The following GNB1L variants were observed in gnomAD, a reference collection of about 807,000 sequenced individuals.
The protein encoded by GNB1L is guanine nucleotide-binding protein subunit beta-like protein 1.
Under a neutral mutation model 29.1 loss-of-function variants are expected in GNB1L, and 20 were observed. That is an observed-to-expected ratio of 0.69 (90% CI 0.48 to 1.00). The LOEUF is 1.00. Among genes scored for constraint, GNB1L ranks in the 50% least tolerant of loss-of-function variants. The pLI, the probability that GNB1L is intolerant of heterozygous loss-of-function variation, is 0.00. For missense variants in GNB1L, 421 were observed against 464.9 expected (o/e 0.91, Z 0.87); for synonymous variants, 193 against 206.5 (o/e 0.93, Z 0.56).
chr22:19,833,206 C>G (rs1937709522), intron 2 of GNB1L, among the ~76,000 whole-genome samples: 1 of 152,192 alleles, frequency 6.6e-6, no homozygotes, highest in Non-Finnish European at 1.5e-5. Flanking sequence ...TGAGAAGATT[C>G]AGATGTTGGA....
At chr22:19,846,488 G>T (rs1937964108) in intron 2 of GNB1L, 1 of 985,250 alleles carries the variant, frequency 1.0e-6, no homozygotes, top group Non-Finnish European at 1.2e-6. Context: ...CTGCACACAG[G>T]CATGTGGAGA....
In GNB1L at chr22:19,784,073, AG is replaced by A. The variant is rs1212844431; in HGVS notation, c.*4635del. The A allele has an allele frequency of 6.6e-6, 1 of 152,260 alleles. No individual in the cohort carries two copies. Among genetic ancestry groups the A allele is most frequent in the Non-Finnish European group, 1.5e-5 (1 of 68,068 alleles). 9.4% of individuals were successfully genotyped at this position (152,260 alleles called of 1,614,324 possible). On this transcript the variant is annotated 3_prime_UTR_variant, in exon 8 of 8. Transcript: ENST00000329517. ...TTGGTAGAGGGCAGGTGCACAGCAA[AG>A]TTTTCACCGGTGCCGGCTTGTTGTC...
At chr22:19,819,076 T>C (rs530811293) in intron 4 of GNB1L, among the ~76,000 whole-genome samples, 37 of 152,346 alleles carry the variant, frequency 2.4e-4, no homozygotes, top group African/African-American at 8.4e-4. Flanking sequence ...AACCCAGCCC[T>C]GGGCTAACCC....
intron 7 of GNB1L, among the ~76,000 whole-genome samples, chr22:19,789,832 G>C (rs755860851): frequency 8.5e-6 from 1 of 117,544 alleles, no homozygotes; most frequent in Admixed American, 9.4e-5. Flanking sequence ...GTGAGACCCT[G>C]TCTCAAAAAA....
At chr22:19,835,997 A>C (rs1295516857) in intron 2 of GNB1L, among the ~76,000 whole-genome samples, 1 of 152,210 alleles carries the variant, frequency 6.6e-6, no homozygotes, top group African/African-American at 2.4e-5. Flanking sequence ...TTATGCCTTA[A>C]GATAACAGAA....
At chr22:19,846,996 G>A (rs1937977156) in intron 2 of GNB1L, 13 of 985,460 alleles carry the variant, frequency 1.3e-5, no homozygotes, top group Non-Finnish European at 1.4e-5. Flanking sequence ...CACGCTGGGT[G>A]GCTGCTTGTA....
intron 7 of GNB1L, among the ~76,000 whole-genome samples, chr22:19,800,003 AG>A (rs1937351357): frequency 6.6e-6 from 1 of 152,194 alleles, no homozygotes; most frequent in Non-Finnish European, 1.5e-5. Context: ...AGGGCTCAGC[AG>A]GGGAAACGCC....
chr22:19,815,816 A>G (rs1045728910), intron 4 of GNB1L, among the ~76,000 whole-genome samples: 1 of 152,130 alleles, frequency 6.6e-6, no homozygotes, highest in Non-Finnish European at 1.5e-5. Context: ...TCTGGGCCCA[A>G]GCACACCTCA....
At chr22:19,821,034 AGT>A (rs532382994) in intron 3 of GNB1L, among the ~76,000 whole-genome samples, 192 bp downstream of exon 3, 2 of 151,932 alleles carry the variant, frequency 1.3e-5, no homozygotes, top group Non-Finnish European at 2.9e-5. Context: ...TGTAACAAAG[AGT>A]GTGTGTGTGT....
At chr22:19,852,843 T>G (rs1938141751) in intron 2 of GNB1L, among the ~76,000 whole-genome samples, 1 of 152,068 alleles carries the variant, frequency 6.6e-6, no homozygotes, top group Admixed American at 6.5e-5. Context: ...AGTGGTGAAG[T>G]AACTTGTCTG....
intron 7 of GNB1L, among the ~76,000 whole-genome samples, chr22:19,791,789 G>C (rs986183719): frequency 1.3e-5 from 2 of 152,224 alleles, no homozygotes; most frequent in Non-Finnish European, 2.9e-5. Flanking sequence ...GACCAGCTGA[G>C]CTACCAGAAC....
chr22:19,850,621 T>C (rs1601357141), intron 2 of GNB1L: 3 of 1,217,312 alleles, frequency 2.5e-6, no homozygotes, highest in Non-Finnish European at 3.1e-6. Flanking sequence ...ATCCCACTCA[T>C]CCCCCAGAAT....
chr22:19,849,219 C>T (rs1296403757), intron 2 of GNB1L: 4 of 985,278 alleles, frequency 4.1e-6, no homozygotes, highest in Non-Finnish European at 4.8e-6. Flanking sequence ...CCACCTATTT[C>T]CAAGGTTTCC....
rs916758067 is a variant in GNB1L at position 19,820,778 on chromosome 22, T to C, written c.129-55A>G. 10 of 1,562,938 alleles carry C rather than the reference T, an allele frequency of 6.4e-6. No homozygotes were observed. In the African/African-American group the frequency reaches 1.4e-4, roughly 21 times the overall value. On this transcript the variant is annotated intron_variant, in intron 3 of 7. Coordinates refer to ENST00000329517, the MANE Select transcript of GNB1L (RefSeq NM_053004.3). ...GGGGGCAGAAGGGTGTGCTGAATGC[T>C]CTGGGGCCAGCCTGGAGGCCACATT...
At chr22:19,847,019 G>A (rs901659225) in intron 2 of GNB1L, 8 of 985,276 alleles carry the variant, frequency 8.1e-6, no homozygotes, top group Non-Finnish European at 8.4e-6. Flanking sequence ...TCTCCATACT[G>A]AGCACCCCAG....
At chr22:19,809,755 C>T (rs1032332072) in intron 5 of GNB1L, among the ~76,000 whole-genome samples, 1 of 152,228 alleles carries the variant, frequency 6.6e-6, no homozygotes, top group African/African-American at 2.4e-5. Flanking sequence ...TTTCCCATTT[C>T]ACAACCTGTT....
intron 4 of GNB1L, among the ~76,000 whole-genome samples, chr22:19,819,103 C>T (rs1937557825): frequency 6.6e-6 from 1 of 152,220 alleles, no homozygotes; most frequent in East Asian, 1.9e-4. Context: ...GCTGCCCCTC[C>T]CTGCTCTGCT....
intron 2 of GNB1L, chr22:19,852,297 A>G: frequency 6.4e-7 from 1 of 1,570,782 alleles, no homozygotes; most frequent in East Asian, 2.2e-5. Context: ...GAGAGCCAGC[A>G]CTGGTGGGTG....
intron 2 of GNB1L, chr22:19,850,527 A>T: frequency 1.9e-6 from 2 of 1,075,144 alleles, no homozygotes; most frequent in Non-Finnish European, 1.1e-6. Flanking sequence ...AGGGGCTTGC[A>T]TCCCACCTTC....
Sources: gnomAD v4.1 joint callset for allele counts (sites outside exome capture counted in the v4.1 genomes callset) on GRCh38, gnomAD v4.1.1 for gene constraint, MANE v1.5 for transcripts, NCBI Gene and HGNC (gene_info 2026-07-23, HGNC 2026-07-21) for gene names.